MUSK: variants seen among roughly 807,000 people sequenced by gnomAD.
MUSK encodes the protein muscle associated receptor tyrosine kinase, also known as muscle, skeletal receptor tyrosine-protein kinase.
Under a neutral mutation model 88.7 loss-of-function variants are expected in MUSK, and 55 were observed. The observed-to-expected ratio is 0.62, with a 90% CI of 0.50 to 0.78. The LOEUF (loss-of-function observed/expected upper bound fraction) is 0.78. MUSK is among the 30% of genes least tolerant of loss of function. MUSK has a pLI of 0.00. For missense variants in MUSK, 1,015 were observed against 1,074.3 expected (o/e 0.94, Z 0.77); for synonymous variants, 387 against 391.9 (o/e 0.99, Z 0.15).
chr9:110,800,530 G>C lies in MUSK; in HGVS notation c.2152G>C (p.Glu718Gln), dbSNP rs780708655. 2 of 1,613,814 alleles carry C rather than the reference G, an allele frequency of 1.2e-6. No individual in the cohort carries two copies. Among genetic ancestry groups the C allele is most frequent in the Non-Finnish European group, 1.7e-6 (2 of 1,179,854 alleles). The change falls in exon 15 of 15, where the codon GAA becomes CAA. Residue 718 changes from glutamate (E) to glutamine (Q), a missense_variant. Glu to Gln is a conservative substitution (Grantham distance 29). Coordinates refer to ENST00000374448, the MANE Select transcript of MUSK (RefSeq NM_005592.4). ...QVAAGMAYLS[E>Q]RKFVHRDLAT... ...GGCAGCTGGCATGGCTTACCTCTCA[G>C]AACGTAAGTTTGTTCACCGAGATTT...
At chr9:110,690,265 T>C (rs1157610533) in intron 3 of MUSK, among the ~76,000 whole-genome samples, 18 of 105,670 alleles carry the variant, frequency 1.7e-4, no homozygotes, top group Non-Finnish European at 2.5e-4. Flanking sequence ...TAAATATATA[T>C]TTAAGTACAA....
chr9:110,698,003 A>G (rs1013902253), intron 5 of MUSK, among the ~76,000 whole-genome samples: 1 of 152,088 alleles, frequency 6.6e-6, no homozygotes, highest in African/African-American at 2.4e-5. Context: ...TTCTGAAAAT[A>G]TTTTTTAATC....
In MUSK at chr9:110,800,369, A is replaced by G. The variant is rs55963442; in HGVS notation, c.1991A>G (p.Asn664Ser). ...LFEYMAYGDL[N>S]EFLRSMSPHT... Reference sequence around the variant, plus strand: ...GAATACATGGCCTATGGTGACCTCAATGAGTTCCTCCGCAGCATGTCCCCT... The same window carrying G: ...GAATACATGGCCTATGGTGACCTCAGTGAGTTCCTCCGCAGCATGTCCCCT... Residue 664 changes from asparagine to serine, a missense_variant, in exon 15 of 15, where the codon AAT (asparagine) becomes AGT (serine). Coordinates refer to ENST00000374448, the MANE Select transcript of MUSK (RefSeq NM_005592.4). The G allele has an allele frequency of 0.011, 17,722 of 1,613,820 alleles. 162 individuals are homozygous for G. The highest frequency in any genetic ancestry group is 0.026 in the East Asian group (1,186 of 44,866).
At chr9:110,710,064 A>C (rs999576748) in intron 5 of MUSK, among the ~76,000 whole-genome samples, 1 of 152,226 alleles carries the variant, frequency 6.6e-6, no homozygotes, top group Non-Finnish European at 1.5e-5. Flanking sequence ...AAGACACTTG[A>C]GACCAAACAA....
chr9:110,790,244 G>A (rs978925890), intron 14 of MUSK, among the ~76,000 whole-genome samples: 1 of 152,124 alleles, frequency 6.6e-6, no homozygotes, highest in Non-Finnish European at 1.5e-5. Flanking sequence ...ACCCCGAGAA[G>A]AGAGGTTTCT....
At chr9:110,734,111 T>C (rs1326812090) in intron 5 of MUSK, 140 bp from the exon 6 acceptor site, 2 of 888,734 alleles carry the variant, frequency 2.3e-6, no homozygotes, top group Non-Finnish European at 3.3e-6. Context: ...GGCCATGGCA[T>C]GTGGTATTAT....
At chr9:110,689,112 AATTT>A (rs1014829913) in intron 3 of MUSK, among the ~76,000 whole-genome samples, 5 of 128,068 alleles carry the variant, frequency 3.9e-5, no homozygotes, top group African/African-American at 8.5e-5. Context: ...ATAGTTTTAT[AATTT>A]ATTTATATAA....
rs1554750776 is a variant in MUSK at position 110,755,939 on chromosome 9, T to TATATACAC, written c.914-6258_914-6257insCACATATA. On this transcript the variant is annotated intron_variant, in intron 7 of 14. Coordinates refer to ENST00000374448, the MANE Select transcript of MUSK (RefSeq NM_005592.4). ...CCAGTGCCATATATATATACATATATATATATATATACACATATATATATA... is the reference window on the plus strand; with the variant it reads ...CCAGTGCCATATATATATACATATATATATACACATATATATATACACATATATATATA... Among the ~76,000 whole-genome samples, 15 of 71,202 alleles carry TATATACAC rather than the reference T, an allele frequency of 2.1e-4. 1 individual carries two copies. The highest frequency in any genetic ancestry group is 3.6e-4 in the Non-Finnish European group (13 of 35,906). The allele number at this position is 71,202 out of a possible 152,430, so 46.7% of individuals were successfully genotyped here. A position where few individuals can be genotyped will look rare whatever the true frequency, so the allele number is the denominator to read the frequency against.
At chr9:110,740,210 A>G (rs2077079286) in intron 6 of MUSK, among the ~76,000 whole-genome samples, 1 of 152,178 alleles carries the variant, frequency 6.6e-6, no homozygotes, top group Admixed American at 6.5e-5. Context: ...GGATTACATT[A>G]GTATTTAGGG....
intron 5 of MUSK, among the ~76,000 whole-genome samples, chr9:110,712,456 C>T (rs773352192): frequency 3.3e-5 from 5 of 152,148 alleles, no homozygotes; most frequent in South Asian, 2.1e-4. Context: ...ACTAAGTTGA[C>T]GGATTCATGG....
At chr9:110,747,088 T>C (rs2077182397) in intron 6 of MUSK, among the ~76,000 whole-genome samples, 1 of 152,210 alleles carries the variant, frequency 6.6e-6, no homozygotes, top group Non-Finnish European at 1.5e-5. Context: ...CAATAACTAT[T>C]AGTGCTCACA....
At chr9:110,791,134 C>T (rs889487545) in intron 14 of MUSK, among the ~76,000 whole-genome samples, 15 of 151,962 alleles carry the variant, frequency 9.9e-5, no homozygotes, top group East Asian at 1.9e-4. Context: ...GGAACAGCTC[C>T]GGTCTACAGC....
chr9:110,740,105 A>T (rs972775074), intron 6 of MUSK, among the ~76,000 whole-genome samples: 4 of 152,146 alleles, frequency 2.6e-5, no homozygotes, highest in South Asian at 2.1e-4. Context: ...TTATGGTATA[A>T]TTCAAATGAT....
chr9:110,749,018 A>G (rs2077214206), intron 7 of MUSK, among the ~76,000 whole-genome samples: 1 of 152,158 alleles, frequency 6.6e-6, no homozygotes, highest in Non-Finnish European at 1.5e-5. Flanking sequence ...ATTCAACTCA[A>G]TTTAACAAAT....
chr9:110,674,464 C>T lies in MUSK; in HGVS notation c.79+5481C>T, dbSNP rs997564136. ...ACCTGCGGAAGACAAAACTTGTGTGCCTCAATCTTCTCCCACTTGACTACG... is the reference window on the plus strand; with the variant it reads ...ACCTGCGGAAGACAAAACTTGTGTGTCTCAATCTTCTCCCACTTGACTACG... On this transcript the variant is annotated intron_variant, in intron 1 of 14. Transcript: ENST00000374448. Among the ~76,000 whole-genome samples, 12 of 152,186 alleles carry T rather than the reference C, an allele frequency of 7.9e-5. No homozygotes were observed. The East Asian group carries it at 2.3e-3, about 29-fold the overall frequency.
At position 110,804,165 on chromosome 9, in the gene MUSK, T is replaced by C. The variant is rs1262728336; in HGVS notation, c.*3177T>C. 6.6e-6 allele frequency among the ~76,000 whole-genome samples: 1 copy of C among 152,182 alleles called. No individual in the cohort carries two copies. Among genetic ancestry groups the C allele is most frequent in the African/African-American group, 2.4e-5 (1 of 41,446 alleles). ...TATTCATATACTGTAATTTAGCTAA[T>C]CAATCTTGTATTTTTGAACATTTAG... On this transcript the variant is annotated 3_prime_UTR_variant, in exon 15 of 15. Coordinates refer to ENST00000374448, the MANE Select transcript of MUSK (RefSeq NM_005592.4).
At chr9:110,727,009 G>C (rs1170887803) in intron 5 of MUSK, among the ~76,000 whole-genome samples, 1 of 151,982 alleles carries the variant, frequency 6.6e-6, no homozygotes, top group African/African-American at 2.4e-5. Context: ...TGCTTTACCA[G>C]GAACCGTTAC....
At chr9:110,721,181 A>G (rs1229653724) in intron 5 of MUSK, among the ~76,000 whole-genome samples, 2 of 152,176 alleles carry the variant, frequency 1.3e-5, no homozygotes, top group Non-Finnish European at 2.9e-5. Context: ...AACTGAAACA[A>G]GACAAGGATG....
Position 110,687,112 on chromosome 9 carries a change from T to C in MUSK, c.207-5T>C, listed in dbSNP as rs779359576. ...TAATCTGTCATTTTTTTCTGTGACC[T>C]GCAGACTCTTTGACACCCGGTACAG... On this transcript the variant is annotated splice_polypyrimidine_tract_variant and splice_region_variant and intron_variant, in intron 2 of 14. Transcript: ENST00000374448. 5.6e-5 allele frequency: 91 copies of C among 1,611,186 alleles called. No homozygotes were observed. The Admixed American group carries it at 1.5e-3, about 27-fold the overall frequency.
Sources: allele counts gnomAD v4.1 joint callset (sites outside exome capture counted in the v4.1 genomes callset), GRCh38; gene constraint gnomAD v4.1.1; transcripts MANE v1.5; gene names NCBI Gene and HGNC (gene_info 2026-07-23, HGNC 2026-07-21).